Variants in NUMA1 observed in about 807,000 individuals in gnomAD.
NUMA1 encodes SP-H antigen.
A neutral mutation model predicts 237.1 loss-of-function variants in NUMA1; 62 were observed. That is an observed-to-expected ratio of 0.26 (90% CI 0.21 to 0.32). The LOEUF (loss-of-function observed/expected upper bound fraction) is 0.32. NUMA1 is among the 10% of genes least tolerant of loss of function. The pLI, the probability that NUMA1 is intolerant of heterozygous loss-of-function variation, is 1.00. For missense variants in NUMA1, 2,533 were observed against 2,666.5 expected, an observed-to-expected ratio of 0.95 and a Z score of 1.10; for synonymous variants, 1,028 against 1,066.1, an observed-to-expected ratio of 0.96 and a Z score of 0.70.
intron 2 of NUMA1, among the ~76,000 whole-genome samples, chr11:72,051,631 C>T (rs1419210872): frequency 6.6e-6 from 1 of 152,090 alleles, no homozygotes; most frequent in Non-Finnish European, 1.5e-5. Flanking sequence ...AGGACCATGC[C>T]CAGCTAGTTT....
Position 72,010,799 on chromosome 11 carries a change from T to C in NUMA1, c.4706A>G (p.Gln1569Arg), listed in dbSNP as rs1469338165. The change falls in exon 17 of 27, where the codon CAG (glutamine) becomes CGG (arginine). Residue 1569 changes from glutamine to arginine, a missense_variant. Physicochemically the swap from Gln to Arg is conservative, Grantham distance 43. Transcript: ENST00000393695. ...CAGCTGCCCCACCTTCAGCTTCTGC[T>C]GCTGCACCTTGCTGGCTTGGTCAGA... ...ADSDQASKVQQQKLKAVQAQG... is the reference protein window; with the variant it reads ...ADSDQASKVQRQKLKAVQAQG... 6.2e-7 allele frequency: 1 copy of C among 1,613,700 alleles called. No homozygotes were observed. Among genetic ancestry groups the C allele is most frequent in the Admixed American group, 1.7e-5 (1 of 60,010 alleles).
At chr11:72,067,037 T>A (rs1167601243) in intron 2 of NUMA1, 1 of 152,184 alleles carries the variant, frequency 6.6e-6, no homozygotes, top group African/African-American at 2.4e-5. Context: ...GATGACTATG[T>A]TTACACAATC....
At chr11:72,004,428 C>T in intron 24 of NUMA1, 87 bp from the exon 25 acceptor site, 1 of 1,317,404 alleles carries the variant, frequency 7.6e-7, no homozygotes, top group South Asian at 1.2e-5. Context: ...GCTGAGTGGA[C>T]CTTGTAAGTC....
At chr11:72,049,795 C>T (rs1483207357) in intron 2 of NUMA1, among the ~76,000 whole-genome samples, 2 of 150,130 alleles carry the variant, frequency 1.3e-5, no homozygotes, top group Non-Finnish European at 3.0e-5. Context: ...TGCACTCTAG[C>T]CTGGGCAACA....
chr11:72,005,349 C>T lies in NUMA1; in HGVS notation c.5713G>A (p.Gly1905Ser), dbSNP rs760554948. The T allele has an allele frequency of 2.6e-5, 41 of 1,607,752 alleles. No homozygotes were observed. In the East Asian group the frequency reaches 6.1e-4, roughly 24 times the overall value. ...APPGRNSFYM[G>S]TCQDEPEQLD... is the part of the protein sequence containing the mutation. ...TGCTCAGGCTCATCCTGGCAAGTGCCCATGTAGAAGCTGTTCCTTCCTGTG... is the reference window on the plus strand; with the variant it reads ...TGCTCAGGCTCATCCTGGCAAGTGCTCATGTAGAAGCTGTTCCTTCCTGTG... The change falls in exon 23 of 27, where the codon GGC (glycine) becomes AGC (serine). Residue 1905 changes from glycine to serine, a missense_variant. By Grantham distance (56) the Gly-to-Ser change is moderately conservative. Coordinates refer to ENST00000393695, the MANE Select transcript of NUMA1 (RefSeq NM_006185.4).
intron 2 of NUMA1, among the ~76,000 whole-genome samples, chr11:72,061,754 C>A (rs1404650240): frequency 6.6e-6 from 1 of 152,070 alleles, no homozygotes. Flanking sequence ...TCCCAAAGTG[C>A]TGGGATTATA....
At chr11:72,043,950 CAGAT>C (rs1440065271) in intron 2 of NUMA1, among the ~76,000 whole-genome samples, 5 of 151,990 alleles carry the variant, frequency 3.3e-5, no homozygotes, top group Admixed American at 2.6e-4. Flanking sequence ...AATAAATGGA[CAGAT>C]AGATAAACAG....
At chr11:72,077,687 G>A (rs969510301) in intron 1 of NUMA1, among the ~76,000 whole-genome samples, 2 of 151,838 alleles carry the variant, frequency 1.3e-5, no homozygotes, top group African/African-American at 2.4e-5. Flanking sequence ...GGTTGCGGGC[G>A]CCTGTAGTCC....
chr11:72,056,155 A>C (rs941301517), intron 2 of NUMA1, among the ~76,000 whole-genome samples: 14 of 151,926 alleles, frequency 9.2e-5, no homozygotes, highest in Non-Finnish European at 2.1e-4. Context: ...TCTCAAGAGA[A>C]ACAACAACAA....
chr11:72,032,243 G>T (rs898761034), intron 3 of NUMA1, among the ~76,000 whole-genome samples: 9 of 152,112 alleles, frequency 5.9e-5, no homozygotes, highest in African/African-American at 2.2e-4. Flanking sequence ...ACTTATTGAC[G>T]TCTTAAAGAG....
chr11:72,014,620 G>A lies in NUMA1; in HGVS notation c.2883C>T (p.Cys961=). 1 of 1,609,060 alleles carries A rather than the reference G, an allele frequency of 6.2e-7. No homozygotes were observed. The highest frequency in any genetic ancestry group is 1.3e-5 in the African/African-American group (1 of 75,070). Residue 961 remains cysteine (C), a synonymous_variant, in exon 15 of 27, where the codon TGC becomes TGT. Transcript: ENST00000393695. This position sits in a 1 kb window ranked among gnomAD's most constrained non-coding sequence, Gnocchi z 4.6. ...WLEEQQGRQF[C]STQAALQAME... is the part of the protein sequence containing the mutation. ...TAGCCTGCAGCGCTGCCTGTGTGCT[G>A]CAGAACTGGCGTCCCTGTTGCTCTT... is the stretch of plus-strand genomic sequence containing the variant.
At chr11:72,026,536 C>G (rs1180805888) in intron 4 of NUMA1, among the ~76,000 whole-genome samples, 1 of 152,236 alleles carries the variant, frequency 6.6e-6, no homozygotes, top group African/African-American at 2.4e-5. Context: ...ACTATTCACG[C>G]ACAGAAGAAC....
chr11:72,008,266 A>G (rs1955883444), intron 20 of NUMA1: 7 of 371,668 alleles, frequency 1.9e-5, no homozygotes, highest in East Asian at 6.3e-5. Flanking sequence ...TTCAGTTTCA[A>G]ATTCTTCCAA....
At chr11:72,068,271 A>T (rs1160922204) in intron 2 of NUMA1, 1 of 152,198 alleles carries the variant, frequency 6.6e-6, no homozygotes, top group Non-Finnish European at 1.5e-5. Flanking sequence ...TTCCCTCAAC[A>T]CACTTGTGTT....
At position 72,015,985 on chromosome 11, in the gene NUMA1, C is replaced by A; in HGVS notation, c.1518G>T (p.Glu506Asp). Reference protein sequence around the residue: ...LTAQVASLTSELTTLNATIQQ... With the variant: ...LTAQVASLTSDLTTLNATIQQ... ...GGATGGTGGCATTGAGTGTGGTGAGCTCAGAGGTCAGAGAGGCCACCTGGG... is the reference window on the plus strand; with the variant it reads ...GGATGGTGGCATTGAGTGTGGTGAGATCAGAGGTCAGAGAGGCCACCTGGG... The change falls in exon 15 of 27, where the codon GAG becomes GAT. Residue 506 changes from glutamate to aspartate, a missense_variant. Glu to Asp is a conservative substitution (Grantham distance 45, BLOSUM62 2). Transcript: ENST00000393695. The surrounding 1 kb of genome is among the most constrained non-coding windows in gnomAD (Gnocchi z 4.0). 6.2e-7 allele frequency: 1 copy of A among 1,614,150 alleles called. No individual in the cohort carries two copies. The highest frequency in any genetic ancestry group is 1.1e-5 in the South Asian group (1 of 91,082).
chr11:72,018,478 G>C lies in NUMA1; in HGVS notation c.778C>G (p.Arg260Gly). The change falls in exon 11 of 27, where the codon CGC becomes GGC. Residue 260 changes from arginine (R) to glycine (G), a missense_variant. Arg to Gly is a moderately radical substitution (Grantham distance 125). Transcript: ENST00000393695. ...TGCTTCTCATTCAGCAGGGCTAGGC[G>C]GTCAATGCGCTGCTGCATCATGGCT... ...QIAMMQQRID[R>G]LALLNEKQAA... is the part of the protein sequence containing the mutation. 6.2e-7 allele frequency: 1 copy of C among 1,614,136 alleles called. No individual in the cohort carries two copies. The highest frequency in any genetic ancestry group is 8.5e-7 in the Non-Finnish European group (1 of 1,180,006).
At chr11:72,073,380 C>T (rs965474672) in intron 1 of NUMA1, among the ~76,000 whole-genome samples, 3 of 151,538 alleles carry the variant, frequency 2.0e-5, no homozygotes, top group Non-Finnish European at 4.4e-5. Context: ...TCTCAGTAAA[C>T]CATGAATCTG....
In NUMA1 at chr11:72,035,930, G is replaced by A. The variant is rs147122825; in HGVS notation, c.14C>T (p.Ala5Val). The change falls in exon 3 of 27, where the codon GCC becomes GTC. Residue 5 changes from alanine (A) to valine (V), a missense_variant. Coordinates refer to ENST00000393695, the MANE Select transcript of NUMA1 (RefSeq NM_006185.4). ...AGAGAGGAGTGCAGCCCCCCGGGTG[G>A]CGTGGAGTGTCATCTTGGTGATGCC... MTLH[A>V]TRGAALLSWV... is the part of the protein sequence containing the mutation. 1.7e-5 allele frequency: 27 copies of A among 1,613,952 alleles called. No individual in the cohort carries two copies. Among genetic ancestry groups the A allele is most frequent in the Admixed American group, 1.0e-4 (6 of 59,996 alleles).
rs886478786 is a variant in NUMA1 at position 72,003,992 on chromosome 11, G to A, written c.6231C>T (p.Ser2077=). The A allele has an allele frequency of 1.2e-6, 2 of 1,613,410 alleles. No individual in the cohort carries two copies. The highest frequency in any genetic ancestry group is 2.2e-5 in the East Asian group (1 of 44,876). The change falls in exon 26 of 27, where the codon TCC becomes TCT. Residue 2077 remains serine (S), a synonymous_variant. Coordinates refer to ENST00000393695, the MANE Select transcript of NUMA1 (RefSeq NM_006185.4). ...GASKKALSKA[S]PNTRSGTRRS... is the part of the protein sequence containing the mutation. Reference sequence around the variant, plus strand: ...GGCGGGTTCCACTGCGAGTGTTGGGGGAAGCCTTGGACAGGGCCTTCTTTG... The same window carrying A: ...GGCGGGTTCCACTGCGAGTGTTGGGAGAAGCCTTGGACAGGGCCTTCTTTG...
Sources: gnomAD v4.1 joint callset for allele counts (sites outside exome capture counted in the v4.1 genomes callset) on GRCh38, gnomAD v4.1.1 for gene constraint, Gnocchi (gnomAD v3.1) non-coding constraint, MANE v1.5 for transcripts, NCBI Gene and HGNC (gene_info 2026-07-23, HGNC 2026-07-21) for gene names.